The following DNAAF5 variants were observed in gnomAD, a reference collection of about 807,000 sequenced individuals.
DNAAF5 encodes dynein axonemal assembly factor 5.
A neutral mutation model predicts 75.8 loss-of-function variants in DNAAF5; 64 were observed. The ratio of observed to expected loss-of-function variants is 0.84; its 90% CI spans 0.69 to 1.04. The LOEUF (loss-of-function observed/expected upper bound fraction) is 1.04. Ranked by LOEUF, DNAAF5 falls within the 50% of genes least tolerant of loss-of-function variation. DNAAF5 has a pLI of 0.00. For synonymous variants in DNAAF5, 657 were observed against 557.2 expected, an observed-to-expected ratio of 1.18 and a Z score of -2.52; for missense variants, 1,269 against 1,178.5, an observed-to-expected ratio of 1.08 and a Z score of -1.12.
chr7:785,768 A>T lies in DNAAF5; in HGVS notation c.*115A>T. The T allele has an allele frequency of 8.0e-7, 1 of 1,248,244 alleles. No individual in the cohort carries two copies. Among genetic ancestry groups the T allele is most frequent in the Non-Finnish European group, 1.1e-6 (1 of 906,904 alleles). The allele number at this position is 1,248,244 out of a possible 1,614,324, so 77.3% of individuals were successfully genotyped here. ...CAGCAGTGAGACTGTGACAGCAAGA[A>T]TGTACTCCTCAGGACACCTGCCCAC... On this transcript the variant is annotated 3_prime_UTR_variant, in exon 13 of 13. Coordinates refer to ENST00000297440, the MANE Select transcript of DNAAF5 (RefSeq NM_017802.4).
intron 8 of DNAAF5, 137 bp from the exon 9 acceptor site, chr7:770,334 G>A (rs1373790446): frequency 1.4e-6 from 1 of 694,372 alleles, no homozygotes; most frequent in Non-Finnish European, 2.4e-6. Flanking sequence ...CTTACTGATT[G>A]AGAAAGAGGA....
chr7:758,773 C>T (rs1782560828), intron 6 of DNAAF5, among the ~76,000 whole-genome samples: 1 of 152,072 alleles, frequency 6.6e-6, no homozygotes, highest in Non-Finnish European at 1.5e-5. Flanking sequence ...GCCTCCGCCT[C>T]CCAGGTTCAA....
chr7:727,161 G>T lies in DNAAF5; in HGVS notation c.441G>T (p.Gln147His). 1 of 1,295,884 alleles carries T rather than the reference G, an allele frequency of 7.7e-7. No individual in the cohort carries two copies. Among genetic ancestry groups the T allele is most frequent in the Non-Finnish European group, 9.8e-7 (1 of 1,017,982 alleles). The allele number at this position is 1,295,884 out of a possible 1,614,324, so 80.3% of individuals were successfully genotyped here. The change falls in exon 1 of 13, where the codon CAG becomes CAT. Residue 147 changes from glutamine (Q) to histidine (H), a missense_variant. Coordinates refer to ENST00000297440, the MANE Select transcript of DNAAF5 (RefSeq NM_017802.4). Reference protein sequence around the residue: ...ACEELRLALVQLLGLAVDLCG... With the variant: ...ACEELRLALVHLLGLAVDLCG... ...AGGAGCTGCGCCTGGCGCTTGTGCA[G>T]CTGCTGGGCCTGGCCGTGGACCTGT...
chr7:727,296 C>A lies in DNAAF5; in HGVS notation c.576C>A (p.Ala192=). 1 of 1,301,586 alleles carries A rather than the reference C, an allele frequency of 7.7e-7. No homozygotes were observed. Among genetic ancestry groups the A allele is most frequent in the Non-Finnish European group, 9.7e-7 (1 of 1,028,852 alleles). 80.6% of individuals were successfully genotyped at this position (1,301,586 alleles called of 1,614,324 possible). A position where few individuals can be genotyped will look rare whatever the true frequency, so the allele number is the denominator to read the frequency against. The part of the protein sequence containing the change: ...VRRESCSCAA[A]LAQATPDHFH... ...GCGAGAGCTGCAGCTGCGCCGCCGC[C>A]CTGGCGCAGGCCACGCCCGGTGAGC... The change falls in exon 1 of 13, where the codon GCC becomes GCA. Residue 192 remains alanine, a synonymous_variant. Transcript: ENST00000297440.
chr7:749,716 G>A (rs1782228679), intron 4 of DNAAF5, among the ~76,000 whole-genome samples: 1 of 151,954 alleles, frequency 6.6e-6, no homozygotes, highest in African/African-American at 2.4e-5. Flanking sequence ...TTCTTTTTTT[G>A]AGGCAGACTT....
chr7:742,016 G>A (rs62432214), intron 4 of DNAAF5, among the ~76,000 whole-genome samples: 115,699 of 152,108 alleles, frequency 0.76, 44,302 homozygotes, highest in South Asian at 0.86. Context: ...GCCATGTTGC[G>A]GGCACCCATG....
intron 4 of DNAAF5, among the ~76,000 whole-genome samples, chr7:753,738 G>T (rs1013383530): frequency 4.8e-5 from 7 of 145,740 alleles, no homozygotes; most frequent in African/African-American, 1.6e-4. Flanking sequence ...CTTCGCAGGC[G>T]TGTCTCTCTG....
At chr7:785,454 C>T (rs1257903850) in intron 12 of DNAAF5, 63 bp from the exon 13 acceptor site, 57 of 1,576,084 alleles carry the variant, frequency 3.6e-5, no homozygotes, top group South Asian at 1.0e-4. Context: ...CCAATTTGCA[C>T]GAGAGGTAAG....
chr7:736,655 T>G (rs1048354085), intron 2 of DNAAF5, among the ~76,000 whole-genome samples: 3 of 152,236 alleles, frequency 2.0e-5, no homozygotes, highest in African/African-American at 7.2e-5. Flanking sequence ...TCTTTACCCA[T>G]TCAGCCGCTC....
At position 727,282 on chromosome 7, in the gene DNAAF5, A is replaced by G; in HGVS notation, c.562A>G (p.Ser188Gly). Reference protein sequence around the residue: ...PFAAVRRESCSCAAALAQATP... With the variant: ...PFAAVRRESCGCAAALAQATP... ...CGCCGCCGTGCGCCGCGAGAGCTGC[A>G]GCTGCGCCGCCGCCCTGGCGCAGGC... Residue 188 changes from serine (S) to glycine (G), a missense_variant, in exon 1 of 13, where the codon AGC becomes GGC. Coordinates refer to ENST00000297440, the MANE Select transcript of DNAAF5 (RefSeq NM_017802.4). 1.5e-6 allele frequency: 2 copies of G among 1,308,786 alleles called. No homozygotes were observed. The highest frequency in any genetic ancestry group is 1.9e-6 in the Non-Finnish European group (2 of 1,032,916). The allele number at this position is 1,308,786 out of a possible 1,614,324, so 81.1% of individuals were successfully genotyped here.
At chr7:750,790 C>T (rs1386203364) in intron 4 of DNAAF5, 1 of 166,542 alleles carries the variant, frequency 6.0e-6, no homozygotes, top group East Asian at 1.9e-4. Context: ...CAGGTGCCCA[C>T]AAAGCTCTGT....
intron 7 of DNAAF5, among the ~76,000 whole-genome samples, chr7:763,058 C>G (rs1453609048): frequency 1.3e-5 from 2 of 152,148 alleles, no homozygotes; most frequent in South Asian, 4.1e-4. Context: ...TCGGCAGATT[C>G]TCTCTCTGGG....
chr7:780,875 GTTC>G (rs1464259913), intron 12 of DNAAF5, among the ~76,000 whole-genome samples: 5 of 130,246 alleles, frequency 3.8e-5, no homozygotes, highest in Admixed American at 2.3e-4. Flanking sequence ...TAATGACGTT[GTTC>G]TTTTTTTTAA....
intron 2 of DNAAF5, among the ~76,000 whole-genome samples, chr7:733,221 C>T (rs2128070386): frequency 1.3e-5 from 2 of 152,214 alleles, no homozygotes; most frequent in South Asian, 4.1e-4. Flanking sequence ...TGTGATCCCT[C>T]CAGTTTTTTG....
intron 8 of DNAAF5, among the ~76,000 whole-genome samples, chr7:767,150 A>C (rs1207199663): frequency 6.6e-6 from 1 of 151,554 alleles, no homozygotes; most frequent in Non-Finnish European, 1.5e-5. Flanking sequence ...GAGGCAGGAC[A>C]ATGGCGTGAA....
Position 726,854 on chromosome 7 carries a change from G to T in DNAAF5, c.134G>T (p.Gly45Val). ...LPGLEADSKP[G>V]RRRALEALRR... ...GGGCTGGAGGCCGACAGCAAGCCGG[G>T]CCGGCGGCGCGCCTTGGAGGCCCTG... is the stretch of plus-strand genomic sequence containing the variant. The change falls in exon 1 of 13, where the codon GGC becomes GTC. Residue 45 changes from glycine (G) to valine (V), a missense_variant. Transcript: ENST00000297440. The T allele has an allele frequency of 4.5e-6, 6 of 1,318,958 alleles. No homozygotes were observed. Among genetic ancestry groups the T allele is most frequent in the Non-Finnish European group, 5.8e-6 (6 of 1,037,308 alleles). The allele number at this position is 1,318,958 out of a possible 1,614,324, so 81.7% of individuals were successfully genotyped here.
intron 11 of DNAAF5, among the ~76,000 whole-genome samples, chr7:775,514 GTGTGTGT>G (rs1562400000): frequency 1.1e-4 from 2 of 17,858 alleles, no homozygotes; most frequent in African/African-American, 6.4e-4. Context: ...AAGTAGGGGT[GTGTGTGT>G]GTGTGTGTGT....
rs1306038091 is a variant in DNAAF5, at chr7:785,878, C to A, written c.*225C>A. On this transcript the variant is annotated 3_prime_UTR_variant, in exon 13 of 13. Coordinates refer to ENST00000297440, the MANE Select transcript of DNAAF5 (RefSeq NM_017802.4). ...CATCGAGAGGGCTCCCAAACATCTGCAGCTGATTTGAAATTAAAAGTAAGT... is the reference window on the plus strand; with the variant it reads ...CATCGAGAGGGCTCCCAAACATCTGAAGCTGATTTGAAATTAAAAGTAAGT... The A allele has an allele frequency of 3.9e-6, 2 of 513,690 alleles. No homozygotes were observed. Among genetic ancestry groups the A allele is most frequent in the East Asian group, 6.7e-5 (2 of 30,034 alleles). 31.8% of individuals were successfully genotyped at this position (513,690 alleles called of 1,614,324 possible).
Position 786,428 on chromosome 7 carries a change from C to T in DNAAF5, c.*775C>T, listed in dbSNP as rs943528751. On this transcript the variant is annotated 3_prime_UTR_variant, in exon 13 of 13. Coordinates refer to ENST00000297440, the MANE Select transcript of DNAAF5 (RefSeq NM_017802.4). The stretch of plus-strand genomic sequence containing the variant: ...GTATATATTTTTCAACAAATATTAA[C>T]GTTTATACTTTCATGTTTGAAAATT... 3 of 152,204 alleles carry T rather than the reference C, an allele frequency of 2.0e-5. No individual in the cohort carries two copies. The highest frequency in any genetic ancestry group is 4.4e-5 in the Non-Finnish European group (3 of 68,050). The allele number at this position is 152,204 out of a possible 1,614,324, so 9.4% of individuals were successfully genotyped here.
Sources: gnomAD v4.1 joint callset for allele counts (sites outside exome capture counted in the v4.1 genomes callset) on GRCh38, gnomAD v4.1.1 for gene constraint, MANE v1.5 for transcripts, NCBI Gene and HGNC (gene_info 2026-07-23, HGNC 2026-07-21) for gene names.